BPIFB6: variants seen among roughly 807,000 people sequenced by gnomAD.
The protein encoded by BPIFB6 is BPI fold containing family B member 6, also known as BPI fold-containing family B member 6.
In BPIFB6, 47 loss-of-function variants were observed where a neutral mutation model predicts 54.7. That is an observed-to-expected ratio of 0.86 (90% CI 0.68 to 1.10). The LOEUF (loss-of-function observed/expected upper bound fraction) is 1.10, where lower values mean the gene tolerates loss of function less well. Ranked by LOEUF, BPIFB6 falls within the 50% of genes least tolerant of loss-of-function variation. The probability of loss-of-function intolerance (pLI) is 0.00; values close to 1 mark genes in which losing one functional copy is unlikely to be tolerated. For synonymous variants in BPIFB6, 255 were observed against 225.9 expected (o/e 1.13, Z -1.16); for missense variants, 603 against 564.1 (o/e 1.07, Z -0.70).
chr20:33,040,421 C>A, intron 11 of BPIFB6, 103 bp downstream of exon 11: 2 of 1,065,242 alleles, frequency 1.9e-6, no homozygotes, highest in Non-Finnish European at 1.4e-6. Context: ...AGCACACCCC[C>A]AACTACCAGG....
intron 11 of BPIFB6, among the ~76,000 whole-genome samples, chr20:33,041,423 T>TCA (rs1438376727): frequency 6.6e-6 from 1 of 152,156 alleles, no homozygotes; most frequent in South Asian, 2.1e-4. Flanking sequence ...AGCTTCTGGG[T>TCA]CATAGACTCA....
chr20:33,036,414 C>A, intron 6 of BPIFB6, 31 bp from the exon 7 acceptor site: 2 of 1,576,366 alleles, frequency 1.3e-6, no homozygotes, highest in Non-Finnish European at 1.7e-6. Flanking sequence ...GGGGTTGGTG[C>A]CTCTTTGAGT....
chr20:33,036,403 T>A (rs375755841), intron 6 of BPIFB6, 42 bp from the exon 7 acceptor site: 3 of 1,549,636 alleles, frequency 1.9e-6, no homozygotes, highest in Non-Finnish European at 1.8e-6. Context: ...GGGCTGTTCC[T>A]GGGGTTGGTG....
intron 4 of BPIFB6, 77 bp from the exon 5 acceptor site, chr20:33,035,004 T>C: frequency 2.5e-6 from 4 of 1,608,632 alleles, no homozygotes; most frequent in Non-Finnish European, 2.6e-6. Context: ...CCCTTAACCA[T>C]GCCCCTTCAT....
intron 9 of BPIFB6, among the ~76,000 whole-genome samples, 161 bp downstream of exon 9, chr20:33,039,123 A>G (rs949909463): frequency 3.9e-5 from 6 of 152,220 alleles, no homozygotes; most frequent in Non-Finnish European, 8.8e-5. Flanking sequence ...TGGGTCCAAC[A>G]TAGAAAACAG....
At chr20:33,035,925 C>T (rs1007077887) in intron 6 of BPIFB6, among the ~76,000 whole-genome samples, 1 of 152,136 alleles carries the variant, frequency 6.6e-6, no homozygotes, top group African/African-American at 2.4e-5. Flanking sequence ...AGACAGCAGC[C>T]CTTCTTTGCT....
chr20:33,043,988 C>T, intron 14 of BPIFB6, 27 bp from the exon 15 acceptor site: 1 of 1,614,146 alleles, frequency 6.2e-7, no homozygotes, highest in Non-Finnish European at 8.5e-7. Context: ...CTGGTCATTG[C>T]TCTCCTACCC....
chr20:33,035,243 G>A, intron 5 of BPIFB6, 99 bp downstream of exon 5: 2 of 1,256,590 alleles, frequency 1.6e-6, no homozygotes, highest in Non-Finnish European at 1.1e-6. Flanking sequence ...CTGATTGACT[G>A]ATAGTGGCTG....
At chr20:33,032,772 C>G (rs1015504853) in intron 1 of BPIFB6, among the ~76,000 whole-genome samples, 1 of 152,232 alleles carries the variant, frequency 6.6e-6, no homozygotes, top group Non-Finnish European at 1.5e-5. Context: ...CAGCTCTTCT[C>G]TTCCTACCTA....
At position 33,043,283 on chromosome 20, in the gene BPIFB6, T is replaced by C; in HGVS notation, c.1253-8T>C. On this transcript the variant is annotated splice_region_variant and splice_polypyrimidine_tract_variant and intron_variant, in intron 13 of 14. Transcript: ENST00000349552. ...TCAGGCTGATATGACTCTTACTGTA[T>C]TTCTCAGATGTGCTTCAAGTGGGGC... is the stretch of plus-strand genomic sequence containing the variant. 9 of 1,613,782 alleles carry C rather than the reference T, an allele frequency of 5.6e-6. No individual in the cohort carries two copies. The highest frequency in any genetic ancestry group is 7.6e-6 in the Non-Finnish European group (9 of 1,179,660).
Position 33,033,092 on chromosome 20 carries a change from G to A in BPIFB6, c.197+9G>A. ...ATCAAGGGCATCACCAAGTGAGTAG[G>A]GGAGGGGAGCTGGAGGGTGGTGGTT... On this transcript the variant is annotated intron_variant, in intron 2 of 14. Transcript: ENST00000349552. 1 of 1,607,260 alleles carries A rather than the reference G, an allele frequency of 6.2e-7. No homozygotes were observed. The highest frequency in any genetic ancestry group is 8.5e-7 in the Non-Finnish European group (1 of 1,173,848).
rs761895203 is a variant in BPIFB6 at position 33,039,450 on chromosome 20, A to C, written c.1004A>C (p.His335Pro). Residue 335 changes from histidine to proline, a missense_variant, in exon 10 of 15, where the codon CAC becomes CCC. Coordinates refer to ENST00000349552, the MANE Select transcript of BPIFB6 (RefSeq NM_174897.2). ...ACAGGCAAGAGCCTGCTGCACCTCC[A>C]CAGCACCCTGGAGATGTTCGCAGCT... is the stretch of plus-strand genomic sequence containing the variant. Reference protein sequence around the residue: ...MKTGKSLLHLHSTLEMFAARW... With the variant: ...MKTGKSLLHLPSTLEMFAARW... 2 of 1,614,190 alleles carry C rather than the reference A, an allele frequency of 1.2e-6. No individual in the cohort carries two copies. Among genetic ancestry groups the C allele is most frequent in the Admixed American group, 3.3e-5 (2 of 60,024 alleles).
At chr20:33,041,266 G>A (rs902662844) in intron 11 of BPIFB6, among the ~76,000 whole-genome samples, 1 of 152,154 alleles carries the variant, frequency 6.6e-6, no homozygotes, top group Non-Finnish European at 1.5e-5. Flanking sequence ...TGGGATTACA[G>A]GCATGAGCCA....
At position 33,034,378 on chromosome 20, in the gene BPIFB6, A is replaced by G. The variant is rs1979240635; in HGVS notation, c.302+88A>G. 6 of 936,264 alleles carry G rather than the reference A, an allele frequency of 6.4e-6. No homozygotes were observed. The Admixed American group carries it at 1.1e-4, about 16-fold the overall frequency. 58.0% of individuals were successfully genotyped at this position (936,264 alleles called of 1,614,324 possible). On this transcript the variant is annotated intron_variant, in intron 3 of 14. Transcript: ENST00000349552. Reference sequence around the variant, plus strand: ...CACATATATTGAGTGCCTACTGTGTACCATCTGAGTGTTGTAATCTGGGAT... The same window carrying G: ...CACATATATTGAGTGCCTACTGTGTGCCATCTGAGTGTTGTAATCTGGGAT...
In BPIFB6 at chr20:33,037,732, T is replaced by C. The variant is rs777781602; in HGVS notation, c.840T>C (p.Asp280=). 2.7e-5 allele frequency: 43 copies of C among 1,614,026 alleles called. 1 individual carries two copies. Among genetic ancestry groups the C allele is most frequent in the Non-Finnish European group, 8.5e-7 (1 of 1,180,024 alleles). ...AGTCCTTTCATGTGAATATCCAGGA[T>C]ACAATGGTGAGCTGTCCAGTTCCCC... ...LQKSFHVNIQ[D]TMIGELPPQT... is the part of the protein sequence containing the mutation. The change falls in exon 8 of 15, where the codon GAT becomes GAC. Residue 280 remains aspartate (D), a synonymous_variant. Transcript: ENST00000349552.
At chr20:33,033,764 C>A (rs538457035) in intron 2 of BPIFB6, among the ~76,000 whole-genome samples, 1 of 152,322 alleles carries the variant, frequency 6.6e-6, no homozygotes, top group East Asian at 1.9e-4. Flanking sequence ...CTGGCATCTA[C>A]TGGGCTGAGG....
intron 11 of BPIFB6, among the ~76,000 whole-genome samples, chr20:33,040,868 A>G (rs1181653000): frequency 6.6e-6 from 1 of 152,198 alleles, no homozygotes; most frequent in South Asian, 2.1e-4. Flanking sequence ...AATGAATCAC[A>G]TCAGGATTAA....
chr20:33,034,660 C>T (rs1302520853), intron 3 of BPIFB6, 103 bp from the exon 4 acceptor site: 21 of 1,354,752 alleles, frequency 1.6e-5, no homozygotes, highest in Non-Finnish European at 1.7e-5. Context: ...TGGTCTCCTA[C>T]CCTTTCTCCC....
intron 3 of BPIFB6, 79 bp downstream of exon 3, chr20:33,034,369 C>A: frequency 2.1e-6 from 2 of 975,288 alleles, no homozygotes; most frequent in East Asian, 2.4e-5. Context: ...TATTGAGTGC[C>A]TACTGTGTAC....
Sources: gnomAD v4.1 joint callset for allele counts (sites outside exome capture counted in the v4.1 genomes callset) on GRCh38, gnomAD v4.1.1 for gene constraint, MANE v1.5 for transcripts, NCBI Gene and HGNC (gene_info 2026-07-23, HGNC 2026-07-21) for gene names.